Variants in GPD2 observed in about 807,000 individuals in gnomAD.
GPD2 encodes the protein glycerol-3-phosphate dehydrogenase 2.
GPD2 carries 54 observed loss-of-function variants against 82.4 expected under a neutral mutation model. That is an observed-to-expected ratio of 0.66 (90% CI 0.53 to 0.82). GPD2 has a LOEUF of 0.82. Ranked by LOEUF, GPD2 falls within the 40% of genes least tolerant of loss-of-function variation. The pLI, the probability that GPD2 is intolerant of heterozygous loss-of-function variation, is 0.00. For missense variants in GPD2, 748 were observed against 896.2 expected, an observed-to-expected ratio of 0.83 and a Z score of 2.11; for synonymous variants, 288 against 306.1, an observed-to-expected ratio of 0.94 and a Z score of 0.62.
chr2:156,531,649 C>T (rs1389370551), intron 6 of GPD2, among the ~76,000 whole-genome samples: 1 of 152,224 alleles, frequency 6.6e-6, no homozygotes, highest in African/African-American at 2.4e-5. Flanking sequence ...GGGCTGAGGC[C>T]ACTGAGTCTG....
the GPD2 span, among the ~76,000 whole-genome samples, chr2:156,429,923 T>C: frequency 1.3e-5 from 2 of 152,226 alleles, no homozygotes; most frequent in African/African-American, 4.8e-5. Context: ...TGTTAATCTT[T>C]TAGATACTCT....
chr2:156,412,893 T>C, the GPD2 span, among the ~76,000 whole-genome samples: 1 of 152,254 alleles, frequency 6.6e-6, no homozygotes, highest in South Asian at 2.1e-4. Flanking sequence ...ACTCAGGAGT[T>C]TGAGACCAGC....
intron 2 of GPD2, among the ~76,000 whole-genome samples, chr2:156,493,050 G>A (rs142768098): frequency 4.6e-5 from 7 of 152,288 alleles, no homozygotes; most frequent in African/African-American, 1.4e-4. Flanking sequence ...GGGTACATAA[G>A]ATTTTCTCTC....
chr2:156,558,801 A>T, intron 9 of GPD2, among the ~76,000 whole-genome samples: 1 of 72,784 alleles, frequency 1.4e-5, no homozygotes, highest in East Asian at 3.8e-4. Flanking sequence ...TTTTTTAAGT[A>T]GAGACAGTGT....
chr2:156,582,753 T>A (rs1369693363), intron 16 of GPD2, 40 bp from the exon 17 acceptor site: 1 of 1,608,110 alleles, frequency 6.2e-7, no homozygotes, highest in Admixed American at 1.7e-5. Context: ...GAGAGTAAGT[T>A]GGCCTGCGTT....
At chr2:156,582,448 T>A (rs1688058159) in intron 16 of GPD2, among the ~76,000 whole-genome samples, 1 of 150,904 alleles carries the variant, frequency 6.6e-6, no homozygotes, top group Admixed American at 6.6e-5. Flanking sequence ...TTTTTAAGAT[T>A]TTAAATGGAA....
At chr2:156,431,582 T>C (rs1183675040), upstream of GPD2, among the ~76,000 whole-genome samples, 1 of 152,180 alleles carries the variant, frequency 6.6e-6, no homozygotes, top group Non-Finnish European at 1.5e-5. Context: ...TGAAAGTATC[T>C]TAATAATGAA....
intron 6 of GPD2, among the ~76,000 whole-genome samples, chr2:156,532,788 A>C (rs1171879034): frequency 6.6e-6 from 1 of 152,228 alleles, no homozygotes; most frequent in East Asian, 1.9e-4. Context: ...CTTGGGAAAA[A>C]GTAAATTCCC....
At chr2:156,520,866 G>A (rs1478000913) in intron 6 of GPD2, among the ~76,000 whole-genome samples, 4 of 152,082 alleles carry the variant, frequency 2.6e-5, no homozygotes, top group Admixed American at 6.6e-5. Flanking sequence ...GATTGCAGGC[G>A]TGAGCCACCA....
At chr2:156,531,178 C>T (rs1203182078) in intron 6 of GPD2, among the ~76,000 whole-genome samples, 2 of 152,208 alleles carry the variant, frequency 1.3e-5, no homozygotes, top group African/African-American at 4.8e-5. Flanking sequence ...GTCTTCTCTT[C>T]TCCCCATCCC....
chr2:156,410,022 G>T, the GPD2 span, among the ~76,000 whole-genome samples: 2 of 152,132 alleles, frequency 1.3e-5, no homozygotes, highest in African/African-American at 2.4e-5. Flanking sequence ...CCCCAGCCTA[G>T]GCAACAGAGC....
In GPD2 at chr2:156,586,397, C is replaced by A. The variant is rs1688215279; in HGVS notation, c.*3479C>A. On this transcript the variant is annotated 3_prime_UTR_variant, in exon 17 of 17. Coordinates refer to ENST00000438166, the MANE Select transcript of GPD2 (RefSeq NM_000408.5). ...TTCTACAATTACATTCATCCTATTACAACTCAGTTGAATTCTTTTTTCCTT... is the reference window on the plus strand; with the variant it reads ...TTCTACAATTACATTCATCCTATTAAAACTCAGTTGAATTCTTTTTTCCTT... The A allele has an allele frequency of 1.3e-5, 2 of 151,996 alleles. No individual in the cohort carries two copies. Among genetic ancestry groups the A allele is most frequent in the Non-Finnish European group, 1.5e-5 (1 of 67,950 alleles). The allele number at this position is 151,996 out of a possible 1,614,324, so 9.4% of individuals were successfully genotyped here.
rs981583826 is a variant in GPD2, at chr2:156,583,971, C to G, written c.*1053C>G. On this transcript the variant is annotated 3_prime_UTR_variant, in exon 17 of 17. Coordinates refer to ENST00000438166, the MANE Select transcript of GPD2 (RefSeq NM_000408.5). Reference sequence around the variant, plus strand: ...GGAAGATGGAATAGACTTTAGTTAACTTTAATTATAATTATATGTTAAATA... The same window carrying G: ...GGAAGATGGAATAGACTTTAGTTAAGTTTAATTATAATTATATGTTAAATA... 2 of 152,036 alleles carry G rather than the reference C, an allele frequency of 1.3e-5. No homozygotes were observed. Among genetic ancestry groups the G allele is most frequent in the African/African-American group, 4.8e-5 (2 of 41,388 alleles). The allele number at this position is 152,036 out of a possible 1,614,324, so 9.4% of individuals were successfully genotyped here.
At chr2:156,499,000 C>T (rs1684488935) in intron 3 of GPD2, among the ~76,000 whole-genome samples, 1 of 151,942 alleles carries the variant, frequency 6.6e-6, no homozygotes, top group Non-Finnish European at 1.5e-5. Context: ...TGTGAAAATA[C>T]AAGGAAAGAG....
chr2:156,443,111 C>T (rs1318036513), intron 1 of GPD2, among the ~76,000 whole-genome samples: 1 of 152,140 alleles, frequency 6.6e-6, no homozygotes. Context: ...TTCTATTTCA[C>T]TTTTTGAAAT....
Position 156,451,158 on chromosome 2 carries a change from C to T in GPD2, c.-9+14645C>T, listed in dbSNP as rs546883498. On this transcript the variant is annotated intron_variant, in intron 1 of 16. Transcript: ENST00000438166. ...CAAAACCGCCATTGTCATCATGGCC[C>T]GTTCTCAATGAGCTGCTGGGCACAC... Among the ~76,000 whole-genome samples, 1,348 of 151,762 alleles carry T rather than the reference C, an allele frequency of 8.9e-3. 10 individuals carry two copies. Among genetic ancestry groups the T allele is most frequent in the South Asian group, 0.043 (206 of 4,790 alleles).
At chr2:156,401,172 G>T in the GPD2 span, among the ~76,000 whole-genome samples, 1 of 152,154 alleles carries the variant, frequency 6.6e-6, no homozygotes, top group Non-Finnish European at 1.5e-5. Context: ...TCGAACCCGG[G>T]CCTCCCGCGT....
intron 1 of GPD2, among the ~76,000 whole-genome samples, chr2:156,469,463 C>T (rs1297770122): frequency 2.0e-5 from 3 of 152,272 alleles, no homozygotes; most frequent in African/African-American, 7.2e-5. Context: ...CTGTGCCCGG[C>T]CTGATCTCAT....
the GPD2 span, among the ~76,000 whole-genome samples, chr2:156,409,170 G>A: frequency 1.1e-4 from 17 of 152,210 alleles, no homozygotes; most frequent in Admixed American, 5.2e-4. Context: ...GATCTGTGGC[G>A]TCCAAAACTG....
Sources: gnomAD v4.1 joint callset for allele counts (sites outside exome capture counted in the v4.1 genomes callset) on GRCh38, gnomAD v4.1.1 for gene constraint, MANE v1.5 for transcripts, NCBI Gene and HGNC (gene_info 2026-07-23, HGNC 2026-07-21) for gene names.